The following ATG2B variants were observed in gnomAD, a reference collection of about 807,000 sequenced individuals.
ATG2B encodes the protein autophagy-related protein 2 homolog B.
In ATG2B, 121 loss-of-function variants were observed where a neutral mutation model predicts 241.3. The ratio of observed to expected loss-of-function variants is 0.50; its 90% CI spans 0.43 to 0.58. The LOEUF is 0.58. Ranked by LOEUF, ATG2B falls within the 20% of genes least tolerant of loss-of-function variation. The probability of loss-of-function intolerance (pLI) is 0.00; values close to 1 mark genes in which losing one functional copy is unlikely to be tolerated. For synonymous variants in ATG2B, 858 were observed against 876.6 expected (o/e 0.98, Z 0.37); for missense variants, 2,306 against 2,491.6 (o/e 0.93, Z 1.59).
Position 96,363,234 on chromosome 14 carries a change from G to C in ATG2B, c.-258C>G. 1 of 459,246 alleles carries C rather than the reference G, an allele frequency of 2.2e-6. No homozygotes were observed. Among genetic ancestry groups the C allele is most frequent in the African/African-American group, 2.1e-5 (1 of 48,336 alleles). The allele number at this position is 459,246 out of a possible 1,614,324, so 28.4% of individuals were successfully genotyped here. A position where few individuals can be genotyped will look rare whatever the true frequency, so the allele number is the denominator to read the frequency against. On this transcript the variant is annotated 5_prime_UTR_variant, in exon 1 of 42. Coordinates refer to ENST00000359933, the MANE Select transcript of ATG2B (RefSeq NM_018036.7). Reference sequence around the variant, plus strand: ...TCCGAGGAGGGTCCCAACCGGCTCGGAGAGAGTGCAAGAGAGCGCGAGAGG... The same window carrying C: ...TCCGAGGAGGGTCCCAACCGGCTCGCAGAGAGTGCAAGAGAGCGCGAGAGG...
At chr14:96,332,765 C>A (rs1410724770) in intron 8 of ATG2B, 110 bp from the exon 9 acceptor site, 2 of 781,892 alleles carry the variant, frequency 2.6e-6, no homozygotes, top group Non-Finnish European at 3.6e-6. Flanking sequence ...ATATGAGATA[C>A]AGCGATGCCC....
At chr14:96,311,984 G>A in intron 26 of ATG2B, 105 bp downstream of exon 26, 1 of 823,950 alleles carries the variant, frequency 1.2e-6, no homozygotes, top group Non-Finnish European at 2.0e-6. Context: ...TCTTTAATAA[G>A]ATTCTTAGTT....
chr14:96,350,278 AT>A lies in ATG2B; in HGVS notation c.163-2938del, dbSNP rs780360424. ...TAAGACAGAACTCATAGACACCAAT[AT>A]TTAAGAAAAGGGTTATGAAAGAGGA... On this transcript the variant is annotated intron_variant, in intron 1 of 41. Coordinates refer to ENST00000359933, the MANE Select transcript of ATG2B (RefSeq NM_018036.7). 1.1e-3 allele frequency among the ~76,000 whole-genome samples: 168 copies of A among 152,324 alleles called. 1 individual carries two copies. The highest frequency in any genetic ancestry group is 1.3e-3 in the Non-Finnish European group (87 of 68,028).
rs779971612 is a variant in ATG2B, at chr14:96,322,593, T to A, written c.2683A>T (p.Arg895Ter). Reference sequence around the variant, plus strand: ...GAAGAAAAAGGAGATGGGGCTGGTCTTCTTAGATCACAAACATCTTTCAAG... The same window carrying A: ...GAAGAAAAAGGAGATGGGGCTGGTCATCTTAGATCACAAACATCTTTCAAG... Reference protein sequence around the residue: ...HSLKDVCDLRRPAPSPFSSRR... With the variant: ...HSLKDVCDLR The change falls in exon 17 of 42, where the codon AGA (arginine) becomes TGA (stop). Residue 895 changes from arginine to a stop codon, truncating the protein, a stop_gained. Transcript: ENST00000359933. LOFTEE classifies it high-confidence loss of function. 3 of 1,613,638 alleles carry A rather than the reference T, an allele frequency of 1.9e-6. No homozygotes were observed. In the South Asian group the frequency reaches 3.3e-5, roughly 18 times the overall value.
At chr14:96,325,222 C>A (rs1332858451) in intron 15 of ATG2B, among the ~76,000 whole-genome samples, 3 of 151,940 alleles carry the variant, frequency 2.0e-5, no homozygotes, top group Non-Finnish European at 4.4e-5. Context: ...ATGGTCTCAT[C>A]TATTAAATTA....
intron 18 of ATG2B, among the ~76,000 whole-genome samples, chr14:96,319,769 C>A (rs991750310): frequency 2.0e-5 from 3 of 152,142 alleles, no homozygotes; most frequent in Admixed American, 1.3e-4. Context: ...GGACTCAGGT[C>A]AGCAACTTAC....
At chr14:96,296,540 T>C (rs1051826591) in intron 34 of ATG2B, among the ~76,000 whole-genome samples, 2 of 151,838 alleles carry the variant, frequency 1.3e-5, no homozygotes, top group African/African-American at 4.8e-5. Context: ...GGCGGGCAGA[T>C]CATGAGGTCA....
At position 96,362,985 on chromosome 14, in the gene ATG2B, C is replaced by A. The variant is rs763346192; in HGVS notation, c.-9G>T. The A allele has an allele frequency of 5.6e-6, 9 of 1,613,070 alleles. No individual in the cohort carries two copies. In the South Asian group the frequency reaches 8.8e-5, roughly 16 times the overall value. ...GAAAACGGCCAAGGCATAGTGACTG[C>A]TGGCAGCTGGGCTGACTGCGGCTGC... On this transcript the variant is annotated 5_prime_UTR_variant, in exon 1 of 42. Coordinates refer to ENST00000359933, the MANE Select transcript of ATG2B (RefSeq NM_018036.7).
intron 1 of ATG2B, 146 bp downstream of exon 1, chr14:96,362,669 C>CT (rs1010991992): frequency 3.7e-6 from 3 of 802,870 alleles, no homozygotes; most frequent in African/African-American, 1.7e-5. Context: ...AAACAACACT[C>CT]TAACACATTT....
intron 8 of ATG2B, 79 bp from the exon 9 acceptor site, chr14:96,332,734 A>G: frequency 8.6e-7 from 1 of 1,165,888 alleles, no homozygotes; most frequent in Non-Finnish European, 1.2e-6. Flanking sequence ...ATACGTTAAT[A>G]CAATCCTCTT....
At chr14:96,327,820 C>A (rs1887623225) in intron 14 of ATG2B, among the ~76,000 whole-genome samples, 1 of 151,958 alleles carries the variant, frequency 6.6e-6, no homozygotes, top group Non-Finnish European at 1.5e-5. Context: ...TCATAACCAT[C>A]ATTTTCTTTT....
chr14:96,340,112 T>TATC (rs1887980996), intron 6 of ATG2B, among the ~76,000 whole-genome samples: 3 of 24,006 alleles, frequency 1.2e-4, no homozygotes, highest in African/African-American at 9.6e-4. Context: ...GAATATATGA[T>TATC]ATATATGAAT....
chr14:96,303,866 A>G (rs1388508586), intron 32 of ATG2B, among the ~76,000 whole-genome samples: 2 of 152,238 alleles, frequency 1.3e-5, no homozygotes, highest in East Asian at 1.9e-4. Flanking sequence ...TAAAATTATT[A>G]TCTTGCATAC....
At position 96,311,221 on chromosome 14, in the gene ATG2B, A is replaced by T. The variant is rs946222492; in HGVS notation, c.4057T>A (p.Cys1353Ser). The T allele has an allele frequency of 9.0e-5, 145 of 1,613,988 alleles. No individual in the cohort carries two copies. Among genetic ancestry groups the T allele is most frequent in the Non-Finnish European group, 1.2e-4 (141 of 1,179,958 alleles). ...VVHIRTCSDS[C>S]AALMNLIQYI... Reference sequence around the variant, plus strand: ...TGAATGAGATTCATTAACGCAGCACAAGAGTCTGAGCACGTTCTGATATGG... The same window carrying T: ...TGAATGAGATTCATTAACGCAGCACTAGAGTCTGAGCACGTTCTGATATGG... The change falls in exon 28 of 42, where the codon TGT becomes AGT. Residue 1353 changes from cysteine to serine, a missense_variant. Cys to Ser is a moderately radical substitution (Grantham distance 112). Coordinates refer to ENST00000359933, the MANE Select transcript of ATG2B (RefSeq NM_018036.7).
chr14:96,298,983 T>A (rs1886718607), intron 34 of ATG2B, among the ~76,000 whole-genome samples: 1 of 152,174 alleles, frequency 6.6e-6, no homozygotes, highest in Non-Finnish European at 1.5e-5. Context: ...AGTTTGAAGA[T>A]CCTATGATAA....
At chr14:96,308,249 TATACAC>T (rs1170372970) in intron 29 of ATG2B, among the ~76,000 whole-genome samples, 239 of 15,316 alleles carry the variant, frequency 0.016, 4 homozygotes, top group Non-Finnish European at 0.024. Flanking sequence ...TATATATATA[TATACAC>T]ACATATATAT....
chr14:96,329,769 T>C, intron 11 of ATG2B, 135 bp from the exon 12 acceptor site: 1 of 559,284 alleles, frequency 1.8e-6, no homozygotes, highest in Non-Finnish European at 3.0e-6. Context: ...CAAATTTCCC[T>C]TTCCTTAAGA....
chr14:96,286,279 G>A (rs753867525), intron 41 of ATG2B, among the ~76,000 whole-genome samples: 3 of 152,190 alleles, frequency 2.0e-5, no homozygotes, highest in Non-Finnish European at 4.4e-5. Flanking sequence ...GGCTTTGCTG[G>A]TACTATTAAT....
intron 41 of ATG2B, among the ~76,000 whole-genome samples, chr14:96,287,008 C>T (rs1886352664): frequency 1.3e-5 from 2 of 152,086 alleles, no homozygotes; most frequent in Admixed American, 1.3e-4. Flanking sequence ...GTAATCTCAG[C>T]ACTTTAGGAG....
Sources: allele counts gnomAD v4.1 joint callset (sites outside exome capture counted in the v4.1 genomes callset), GRCh38; gene constraint gnomAD v4.1.1; transcripts MANE v1.5; gene names NCBI Gene and HGNC (gene_info 2026-07-23, HGNC 2026-07-21).